Variants in ADGB observed in about 807,000 individuals in gnomAD.
The protein encoded by ADGB is calpain-7-like protein.
ADGB carries 172 observed loss-of-function variants against 210.5 expected under a neutral mutation model. The ratio of observed to expected loss-of-function variants is 0.82; its 90% confidence interval spans 0.72 to 0.93. The LOEUF (loss-of-function observed/expected upper bound fraction) is 0.93, where lower values mean the gene tolerates loss of function less well. Ranked by LOEUF, ADGB falls within the 40% of genes least tolerant of loss-of-function variation. The pLI is 0.00. For synonymous variants in ADGB, 658 were observed against 662.7 expected (o/e 0.99, Z 0.11); for missense variants, 2,025 against 1,964.8 (o/e 1.03, Z -0.58).
chr6:146,683,231 T>C (rs1449852357), intron 9 of ADGB, among the ~76,000 whole-genome samples: 4 of 152,112 alleles, frequency 2.6e-5, no homozygotes, highest in South Asian at 2.1e-4. Context: ...GTCTCAGGTA[T>C]TTCATTTTAG....
In ADGB at chr6:146,726,087, C is replaced by T; in HGVS notation, c.2242C>T (p.His748Tyr). Residue 748 changes from histidine to tyrosine, a missense_variant, in exon 19 of 36, where the codon CAC (histidine) becomes TAC (tyrosine). Coordinates refer to ENST00000397944, the MANE Select transcript of ADGB (RefSeq NM_024694.4). Reference sequence around the variant, plus strand: ...TCCGGCATCCCTTCTCTTTAGGAGACACATGCTACTCTTCAACGCATACTC... The same window carrying T: ...TCCGGCATCCCTTCTCTTTAGGAGATACATGCTACTCTTCAACGCATACTC... ...ATVVRLPVGR[H>Y]MLLFNAYSPV... 2 of 1,526,634 alleles carry T rather than the reference C, an allele frequency of 1.3e-6. No homozygotes were observed. Among genetic ancestry groups the T allele is most frequent in the Non-Finnish European group, 1.8e-6 (2 of 1,127,202 alleles). 94.6% of individuals were successfully genotyped at this position (1,526,634 alleles called of 1,614,324 possible).
chr6:146,681,169 C>T (rs1197953705), intron 9 of ADGB, among the ~76,000 whole-genome samples: 2 of 152,126 alleles, frequency 1.3e-5, no homozygotes, highest in Non-Finnish European at 1.5e-5. Context: ...GGAGGTGGAG[C>T]CTGGTGGGAG....
intron 28 of ADGB, among the ~76,000 whole-genome samples, chr6:146,765,944 A>C (rs1176273495): frequency 6.6e-6 from 1 of 152,100 alleles, no homozygotes; most frequent in Non-Finnish European, 1.5e-5. Flanking sequence ...GGGTACTTTT[A>C]AAGATTAATA....
chr6:146,695,935 G>A (rs1776395850), intron 12 of ADGB, among the ~76,000 whole-genome samples: 1 of 151,962 alleles, frequency 6.6e-6, no homozygotes, highest in Admixed American at 6.6e-5. Flanking sequence ...AATAGTTAAA[G>A]CATTTCAACT....
chr6:146,796,487 C>G (rs62434395), intron 33 of ADGB, among the ~76,000 whole-genome samples: 1 of 152,122 alleles, frequency 6.6e-6, no homozygotes, highest in Non-Finnish European at 1.5e-5. Context: ...CTATAGTTAC[C>G]AAAACAGCAT....
At chr6:146,618,471 T>C (rs1239415771) in intron 1 of ADGB, among the ~76,000 whole-genome samples, 1 of 152,052 alleles carries the variant, frequency 6.6e-6, no homozygotes, top group Non-Finnish European at 1.5e-5. Flanking sequence ...TATTTGGTCT[T>C]TCTACTTTTT....
At chr6:146,704,596 G>A (rs1345533083) in intron 13 of ADGB, among the ~76,000 whole-genome samples, 1 of 151,770 alleles carries the variant, frequency 6.6e-6, no homozygotes, top group East Asian at 1.9e-4. Flanking sequence ...AATCTTTTTC[G>A]ACCATAATAG....
chr6:146,609,916 TTC>T (rs1780683051), intron 1 of ADGB, among the ~76,000 whole-genome samples: 1 of 152,104 alleles, frequency 6.6e-6, no homozygotes, highest in Non-Finnish European at 1.5e-5. Flanking sequence ...GACCTGCCCC[TTC>T]TCTCTAGCTG....
intron 11 of ADGB, among the ~76,000 whole-genome samples, chr6:146,692,079 T>C (rs1304067875): frequency 1.4e-4 from 21 of 152,170 alleles, no homozygotes; most frequent in Admixed American, 1.4e-3. Context: ...AAAACAGTTA[T>C]TCATTCAGGG....
At chr6:146,753,401 C>T (rs1359662843) in intron 27 of ADGB, among the ~76,000 whole-genome samples, 1 of 151,896 alleles carries the variant, frequency 6.6e-6, no homozygotes, top group African/African-American at 2.4e-5. Flanking sequence ...CCTATTTTGC[C>T]CATTGATATT....
At chr6:146,607,284 A>G (rs1410821065) in intron 1 of ADGB, among the ~76,000 whole-genome samples, 3 of 152,144 alleles carry the variant, frequency 2.0e-5, no homozygotes, top group African/African-American at 7.2e-5. Context: ...CAGGTTTAAG[A>G]GCCATTGGGC....
chr6:146,735,271 A>C (rs7748077), intron 22 of ADGB, among the ~76,000 whole-genome samples: 77,090 of 151,998 alleles, frequency 0.51, 20,685 homozygotes, highest in African/African-American at 0.68. Context: ...TGGGTTATTT[A>C]TAAAGAACAG....
chr6:146,804,208 A>G (rs259388), intron 35 of ADGB, among the ~76,000 whole-genome samples: 2 of 152,170 alleles, frequency 1.3e-5, no homozygotes, highest in African/African-American at 2.4e-5. Flanking sequence ...CAATAAATAT[A>G]TATGGATAAC....
chr6:146,599,015 C>T lies in ADGB; in HGVS notation c.-26C>T. 1 of 1,546,440 alleles carries T rather than the reference C, an allele frequency of 6.5e-7. No homozygotes were observed. Among genetic ancestry groups the T allele is most frequent in the Non-Finnish European group, 8.8e-7 (1 of 1,142,348 alleles). ...GCCCGCAGGCTCTTTGCTCAGAGCT[C>T]AGCCCTACATAGATCGGCTTCTGCC... On this transcript the variant is annotated 5_prime_UTR_variant, in exon 1 of 36. Coordinates refer to ENST00000397944, the MANE Select transcript of ADGB (RefSeq NM_024694.4).
At chr6:146,796,150 A>G (rs1778037508) in intron 33 of ADGB, among the ~76,000 whole-genome samples, 1 of 152,200 alleles carries the variant, frequency 6.6e-6, no homozygotes, top group Admixed American at 6.5e-5. Context: ...GAGGTGAAAG[A>G]GCTCTAAAAG....
At position 146,801,865 on chromosome 6, in the gene ADGB, T is replaced by C. The variant is rs887526319; in HGVS notation, c.4672T>C (p.Leu1558=). The change falls in exon 35 of 36, where the codon TTG becomes CTG. Residue 1558 remains leucine, a synonymous_variant. Transcript: ENST00000397944. ...AGATCCTCTGCTGCAAACAGATGAATTGAATCAGCAGCAGGCAATGCAAAA... is the reference window on the plus strand; with the variant it reads ...AGATCCTCTGCTGCAAACAGATGAACTGAATCAGCAGCAGGCAATGCAAAA... The part of the protein sequence containing the change: ...DTDPLLQTDE[L]NQQQAMQKAE... The C allele has an allele frequency of 1.9e-6, 3 of 1,550,180 alleles. No homozygotes were observed. The highest frequency in any genetic ancestry group is 1.4e-5 in the African/African-American group (1 of 72,920).
intron 33 of ADGB, among the ~76,000 whole-genome samples, chr6:146,798,187 G>A (rs996090479): frequency 1.3e-5 from 2 of 152,054 alleles, no homozygotes; most frequent in Admixed American, 6.6e-5. Flanking sequence ...AGTCCTTCAG[G>A]CTGAAAGAAG....
chr6:146,781,666 G>A (rs1316382366), intron 29 of ADGB, among the ~76,000 whole-genome samples: 2 of 152,048 alleles, frequency 1.3e-5, no homozygotes, highest in South Asian at 2.1e-4. Flanking sequence ...TTACAGCAGA[G>A]GTAAATGAGT....
intron 16 of ADGB, among the ~76,000 whole-genome samples, chr6:146,719,841 A>T (rs1291619157): frequency 1.3e-5 from 2 of 152,162 alleles, no homozygotes; most frequent in Admixed American, 1.3e-4. Context: ...TCAGATAGTG[A>T]ATGTTTGAAA....
Sources: allele counts gnomAD v4.1 joint callset (sites outside exome capture counted in the v4.1 genomes callset), GRCh38; gene constraint gnomAD v4.1.1; transcripts MANE v1.5; gene names NCBI Gene and HGNC (gene_info 2026-07-23, HGNC 2026-07-21).